The following RBFOX1 variants were observed in gnomAD, a reference collection of about 807,000 sequenced individuals.
RBFOX1 encodes the protein RNA binding fox-1 homolog 1.
Under a neutral mutation model 57.7 loss-of-function variants are expected in RBFOX1, and 8 were observed. The observed-to-expected ratio is 0.14, with a 90% confidence interval of 0.08 to 0.25. The LOEUF (loss-of-function observed/expected upper bound fraction) is 0.25, where lower values mean the gene tolerates loss of function less well. Ranked by LOEUF, RBFOX1 falls within the 10% of genes least tolerant of loss-of-function variation. The pLI, the probability that RBFOX1 is intolerant of heterozygous loss-of-function variation, is 1.00. For synonymous variants in RBFOX1, 326 were observed against 222.4 expected (o/e 1.47, Z -4.15); for missense variants, 611 against 548.5 (o/e 1.11, Z -1.14).
At chr16:5,388,866 C>T (rs1049457726) in intron 1 of RBFOX1, among the ~76,000 whole-genome samples, 6 of 151,400 alleles carry the variant, frequency 4.0e-5, no homozygotes, top group Admixed American at 6.6e-5. Context: ...CGTGAGTCAC[C>T]GCGCCTTGCC....
At chr16:5,960,098 G>A (rs2059719202) in intron 4 of RBFOX1, among the ~76,000 whole-genome samples, 1 of 152,076 alleles carries the variant, frequency 6.6e-6, no homozygotes, top group Admixed American at 6.6e-5. Context: ...CTACTTAGGA[G>A]GCCGAGACAG....
chr16:6,927,395 A>G (rs1039497999), intron 3 of RBFOX1, among the ~76,000 whole-genome samples: 8 of 122,018 alleles, frequency 6.6e-5, no homozygotes, highest in Non-Finnish European at 1.3e-4. Flanking sequence ...CCTGGGCAAC[A>G]GAGTGAGACG....
At chr16:7,614,199 A>C (rs73490606) in intron 10 of RBFOX1, 15,218 of 152,256 alleles carry the variant, frequency 0.1, 1,142 homozygotes, top group African/African-American at 0.21. Context: ...AATGCAGTGC[A>C]CTTCAGTGAA....
intron 3 of RBFOX1, among the ~76,000 whole-genome samples, chr16:6,974,290 A>C (rs2086264824): frequency 6.7e-6 from 1 of 149,506 alleles, no homozygotes; most frequent in Admixed American, 6.7e-5. Flanking sequence ...ATTTTAGTAA[A>C]TAACAGTCCA....
At chr16:6,018,197 A>AAAGGGAGGGAGGGAGG (rs1555471737), upstream of RBFOX1, among the ~76,000 whole-genome samples, 1 of 145,490 alleles carries the variant, frequency 6.9e-6, no homozygotes, top group Non-Finnish European at 1.5e-5. Flanking sequence ...AGGAAGGAAG[A>AAAGGGAGGGAGGGAGG]AAGGGAGGGA....
chr16:6,724,863 C>T (rs992047425), intron 3 of RBFOX1, among the ~76,000 whole-genome samples: 3 of 151,910 alleles, frequency 2.0e-5, no homozygotes, highest in Admixed American at 6.6e-5. Context: ...GTTATTTTTC[C>T]TAATGCTCTG....
At chr16:6,741,605 G>T (rs188278141) in intron 3 of RBFOX1, among the ~76,000 whole-genome samples, 15 of 151,660 alleles carry the variant, frequency 9.9e-5, no homozygotes, top group Admixed American at 3.3e-4. Context: ...GGAGGTGGAG[G>T]TTGCGGTGAG....
intron 4 of RBFOX1, among the ~76,000 whole-genome samples, chr16:7,233,833 A>T (rs763510223): frequency 6.6e-6 from 1 of 152,166 alleles, no homozygotes; most frequent in Non-Finnish European, 1.5e-5. Context: ...ACTAAGGGCA[A>T]AGCTAATTGA....
intron 2 of RBFOX1, among the ~76,000 whole-genome samples, chr16:6,597,589 C>T (rs976064612): frequency 2.6e-5 from 4 of 152,072 alleles, no homozygotes; most frequent in Admixed American, 2.0e-4. Context: ...AGGAGAATGG[C>T]GTGAACCCGG....
intron 2 of RBFOX1, among the ~76,000 whole-genome samples, chr16:6,641,953 C>T (rs1022133661): frequency 1.3e-5 from 2 of 152,074 alleles, no homozygotes; most frequent in African/African-American, 4.8e-5. Context: ...ATTCTTTTGA[C>T]TGCGTTAATT....
At chr16:5,516,108 A>G (rs1303586614) in intron 2 of RBFOX1, among the ~76,000 whole-genome samples, 2 of 152,200 alleles carry the variant, frequency 1.3e-5, no homozygotes, top group African/African-American at 2.4e-5. Context: ...AAGAGCATTG[A>G]TTAAGCTTGG....
chr16:5,856,187 C>CTCTCTCTCTCTATATA (rs1430331422), intron 3 of RBFOX1, among the ~76,000 whole-genome samples: 6 of 31,064 alleles, frequency 1.9e-4, no homozygotes, highest in African/African-American at 2.8e-4. Context: ...CTCTCTCTCT[C>CTCTCTCTCTCTATATA]TATATATATA....
At chr16:7,348,194 T>G (rs920252091) in intron 4 of RBFOX1, among the ~76,000 whole-genome samples, 1 of 152,208 alleles carries the variant, frequency 6.6e-6, no homozygotes, top group South Asian at 2.1e-4. Flanking sequence ...TATATGCATA[T>G]ACCACATAGA....
chr16:7,231,685 G>C (rs527873556), intron 4 of RBFOX1, among the ~76,000 whole-genome samples: 1 of 152,154 alleles, frequency 6.6e-6, no homozygotes, highest in Non-Finnish European at 1.5e-5. Flanking sequence ...TGAACAAAAT[G>C]TGGTCTATCC....
intron 4 of RBFOX1, among the ~76,000 whole-genome samples, chr16:7,411,118 G>A (rs1253401200): frequency 2.6e-5 from 4 of 152,008 alleles, no homozygotes; most frequent in African/African-American, 9.7e-5. Context: ...ACCAATTTTT[G>A]TATTTTTAGT....
At chr16:5,749,444 A>T (rs1306332465) in intron 3 of RBFOX1, among the ~76,000 whole-genome samples, 1 of 151,308 alleles carries the variant, frequency 6.6e-6, no homozygotes, top group South Asian at 2.1e-4. Flanking sequence ...TCTCCTGGAT[A>T]ATATCCTGCA....
At chr16:7,709,884 C>T in intron 15 of RBFOX1, 1 of 1,097,132 alleles carries the variant, frequency 9.1e-7, no homozygotes, top group Non-Finnish European at 1.1e-6. Context: ...GCAATCATTA[C>T]AAAGCTTTGG....
At chr16:7,696,948 G>A (rs377300306) in intron 14 of RBFOX1, among the ~76,000 whole-genome samples, 48 of 152,248 alleles carry the variant, frequency 3.2e-4, no homozygotes, top group African/African-American at 1.0e-3. Flanking sequence ...TGTGGCCCAC[G>A]GATATGAGTA....
At chr16:7,706,022 G>T (rs912255025) in intron 14 of RBFOX1, among the ~76,000 whole-genome samples, 2 of 152,142 alleles carry the variant, frequency 1.3e-5, no homozygotes, top group Non-Finnish European at 1.5e-5. Flanking sequence ...CATTCCTGTG[G>T]ACATCCTGGG....
Sources: gnomAD v4.1 joint callset for allele counts (sites outside exome capture counted in the v4.1 genomes callset) on GRCh38, gnomAD v4.1.1 for gene constraint, MANE v1.5 for transcripts, NCBI Gene and HGNC (gene_info 2026-07-23, HGNC 2026-07-21) for gene names.